Variants in CLSTN2 observed in about 807,000 individuals in gnomAD.
CLSTN2 encodes calsyntenin 2, also known as calsyntenin-2.
CLSTN2 carries 48 observed loss-of-function variants against 101.2 expected under a neutral mutation model. The ratio of observed to expected loss-of-function variants is 0.47; its 90% CI spans 0.38 to 0.60. The LOEUF is 0.60. CLSTN2 is among the 20% of genes least tolerant of loss of function. CLSTN2 has a pLI of 0.00. For missense variants in CLSTN2, 1,160 were observed against 1,238.2 expected (o/e 0.94, Z 0.95); for synonymous variants, 481 against 463.6 (o/e 1.04, Z -0.48).
In CLSTN2 at chr3:140,558,707, A is replaced by T; in HGVS notation, c.1891A>T (p.Ile631Phe). 2.5e-6 allele frequency: 4 copies of T among 1,614,078 alleles called. No homozygotes were observed. Among genetic ancestry groups the T allele is most frequent in the Non-Finnish European group, 3.4e-6 (4 of 1,180,010 alleles). ...TGCCTATGTGATGGTCCTCCAGGCC[A>T]TCGAGCCCCGGATCACCCTCCGGGG... Reference protein sequence around the residue: ...VDAYVMVLQAIEPRITLRGTD... With the variant: ...VDAYVMVLQAFEPRITLRGTD... The change falls in exon 12 of 17, where the codon ATC (isoleucine) becomes TTC (phenylalanine). Residue 631 changes from isoleucine to phenylalanine, a missense_variant. Coordinates refer to ENST00000458420, the MANE Select transcript of CLSTN2 (RefSeq NM_022131.3).
At chr3:140,531,572 A>C (rs1465551047) in intron 8 of CLSTN2, among the ~76,000 whole-genome samples, 1 of 151,918 alleles carries the variant, frequency 6.6e-6, no homozygotes, top group African/African-American at 2.4e-5. Flanking sequence ...GTGTGGGGGG[A>C]TTAGAGGGAG....
At chr3:140,385,777 C>T (rs926177428) in intron 2 of CLSTN2, among the ~76,000 whole-genome samples, 3 of 152,200 alleles carry the variant, frequency 2.0e-5, no homozygotes, top group Non-Finnish European at 1.5e-5. Flanking sequence ...AAACATCACA[C>T]GTTTTCTTAG....
intron 6 of CLSTN2, among the ~76,000 whole-genome samples, chr3:140,453,812 T>C (rs1259908798): frequency 6.6e-6 from 1 of 152,102 alleles, no homozygotes; most frequent in Admixed American, 6.5e-5. Flanking sequence ...GTTAAGAAAA[T>C]TATAATGCAA....
intron 1 of CLSTN2, among the ~76,000 whole-genome samples, chr3:139,953,566 G>A (rs1013296928): frequency 6.6e-6 from 1 of 152,108 alleles, no homozygotes; most frequent in African/African-American, 2.4e-5. Context: ...AGTGTGGCAG[G>A]TCAGTAGTCA....
At chr3:140,244,937 G>A (rs1469523495) in intron 2 of CLSTN2, among the ~76,000 whole-genome samples, 1 of 152,214 alleles carries the variant, frequency 6.6e-6, no homozygotes, top group Non-Finnish European at 1.5e-5. Flanking sequence ...GGCATATCAT[G>A]CCGTGGACTA....
intron 2 of CLSTN2, among the ~76,000 whole-genome samples, chr3:140,192,812 A>G (rs74888711): frequency 6.6e-6 from 1 of 151,702 alleles, no homozygotes; most frequent in East Asian, 1.9e-4. Flanking sequence ...TAGGGTTTAG[A>G]TCTGCCATTT....
At chr3:140,030,038 A>G (rs1396566106) in intron 1 of CLSTN2, among the ~76,000 whole-genome samples, 1 of 152,184 alleles carries the variant, frequency 6.6e-6, no homozygotes. Context: ...GCTTTTGTTC[A>G]GTGATAAAGC....
chr3:140,142,548 A>G (rs2009717686), intron 1 of CLSTN2, among the ~76,000 whole-genome samples: 1 of 152,192 alleles, frequency 6.6e-6, no homozygotes, highest in East Asian at 1.9e-4. Context: ...ATCTCCATAA[A>G]TTATAGCAAA....
At chr3:139,992,406 G>A (rs1936130161) in intron 1 of CLSTN2, among the ~76,000 whole-genome samples, 1 of 152,164 alleles carries the variant, frequency 6.6e-6, no homozygotes, top group South Asian at 2.1e-4. Context: ...TAGGAGGAGG[G>A]AGTGGTGGGC....
chr3:140,328,514 C>A (rs1054822406), intron 2 of CLSTN2, among the ~76,000 whole-genome samples: 2 of 152,174 alleles, frequency 1.3e-5, no homozygotes, highest in Non-Finnish European at 2.9e-5. Context: ...AAGCTAGAAG[C>A]CCTAGGGGAG....
chr3:139,961,595 C>T (rs1269374522), intron 1 of CLSTN2, among the ~76,000 whole-genome samples: 1 of 152,134 alleles, frequency 6.6e-6, no homozygotes, highest in African/African-American at 2.4e-5. Context: ...TAGGGTGGCA[C>T]TTTGCAGAGA....
intron 1 of CLSTN2, among the ~76,000 whole-genome samples, chr3:140,165,487 C>T (rs561170520): frequency 5.9e-5 from 9 of 152,206 alleles, no homozygotes; most frequent in Admixed American, 3.3e-4. Context: ...GATCCAATGG[C>T]GACACAGTAG....
chr3:140,454,007 A>G (rs544842382), intron 6 of CLSTN2, among the ~76,000 whole-genome samples: 1 of 152,348 alleles, frequency 6.6e-6, no homozygotes, highest in South Asian at 2.1e-4. Context: ...TGACAGTGTC[A>G]GTCTACTAGT....
intron 2 of CLSTN2, among the ~76,000 whole-genome samples, chr3:140,349,412 A>C (rs920331414): frequency 3.3e-5 from 5 of 152,218 alleles, no homozygotes; most frequent in Non-Finnish European, 7.3e-5. Context: ...TGGTAAAGGA[A>C]GTTAGTATAG....
At chr3:140,038,352 A>C (rs1318221683) in intron 1 of CLSTN2, among the ~76,000 whole-genome samples, 1 of 151,854 alleles carries the variant, frequency 6.6e-6, no homozygotes, top group Non-Finnish European at 1.5e-5. Flanking sequence ...TCTTTTTTTG[A>C]TAAGTGTCTG....
At chr3:140,548,339 G>A (rs1935641643) in intron 10 of CLSTN2, among the ~76,000 whole-genome samples, 1 of 152,212 alleles carries the variant, frequency 6.6e-6, no homozygotes, top group African/African-American at 2.4e-5. Context: ...ACCAGACACT[G>A]TTTGTTCTAA....
chr3:140,332,250 G>C (rs571817764), intron 2 of CLSTN2, among the ~76,000 whole-genome samples: 1 of 152,162 alleles, frequency 6.6e-6, no homozygotes, highest in East Asian at 1.9e-4. Context: ...TCAAATATAC[G>C]AGGACAAGAA....
chr3:140,535,052 C>G (rs1935332233), intron 9 of CLSTN2, among the ~76,000 whole-genome samples: 1 of 152,188 alleles, frequency 6.6e-6, no homozygotes, highest in South Asian at 2.1e-4. Flanking sequence ...GATGTGGAGA[C>G]CTATATACTA....
chr3:140,377,042 A>AGAGAGAGAGAGGATG lies in CLSTN2; in HGVS notation c.233-26587_233-26586insGAGAGAGAGAGGATG, dbSNP rs143529942. Among the ~76,000 whole-genome samples the AGAGAGAGAGAGGATG allele has an allele frequency of 4.1e-4, 62 of 149,802 alleles. 1 individual carries two copies. Among genetic ancestry groups the AGAGAGAGAGAGGATG allele is most frequent in the African/African-American group, 1.2e-3 (47 of 40,710 alleles). On this transcript the variant is annotated intron_variant, in intron 2 of 16. Transcript: ENST00000458420. ...ATACACAGAGAGAGAGAGAGAGAGG[A>AGAGAGAGAGAGGATG]TGTGTGTGTGTGTTATATGCCATAA...
Sources: allele counts gnomAD v4.1 joint callset (sites outside exome capture counted in the v4.1 genomes callset), GRCh38; gene constraint gnomAD v4.1.1; transcripts MANE v1.5; gene names NCBI Gene and HGNC (gene_info 2026-07-23, HGNC 2026-07-21).